The following CELF5 variants were observed in gnomAD, a reference collection of about 807,000 sequenced individuals.
The protein encoded by CELF5 is CUG-BP and ETR-3 like factor 5.
In CELF5, 6 loss-of-function variants were observed where a neutral mutation model predicts 54.9. The observed-to-expected ratio is 0.11, with a 90% CI of 0.06 to 0.22. CELF5 has a LOEUF of 0.22. CELF5 is among the 10% of genes least tolerant of loss of function. CELF5 has a pLI of 1.00. For synonymous variants in CELF5, 271 were observed against 290.9 expected (o/e 0.93, Z 0.70); for missense variants, 401 against 678.6 (o/e 0.59, Z 4.54).
chr19:3,246,931 G>A (rs2079575161), intron 1 of CELF5, among the ~76,000 whole-genome samples: 1 of 152,152 alleles, frequency 6.6e-6, no homozygotes, highest in Non-Finnish European at 1.5e-5. Flanking sequence ...AGACACAAGG[G>A]CGGACCTATG....
intron 2 of CELF5, among the ~76,000 whole-genome samples, chr19:3,262,320 C>T (rs749611394): frequency 2.0e-5 from 3 of 152,144 alleles, no homozygotes; most frequent in African/African-American, 4.8e-5. Flanking sequence ...TGAGCCACCG[C>T]GCCCGGCCAA....
chr19:3,250,061 C>T (rs8113173), intron 1 of CELF5, among the ~76,000 whole-genome samples: 30 of 152,002 alleles, frequency 2.0e-4, no homozygotes, highest in Admixed American at 1.4e-3. Flanking sequence ...AGGGGTGGAA[C>T]GGGTGGAAAA....
chr19:3,232,054 A>G (rs911333049), intron 1 of CELF5, among the ~76,000 whole-genome samples: 3 of 151,882 alleles, frequency 2.0e-5, no homozygotes, highest in Admixed American at 6.6e-5. Context: ...TGCTTCCTCA[A>G]CCTTTACTAC....
At chr19:3,231,343 T>C (rs1401063611) in intron 1 of CELF5, among the ~76,000 whole-genome samples, 1 of 152,116 alleles carries the variant, frequency 6.6e-6, no homozygotes, top group African/African-American at 2.4e-5. Context: ...CAGACATGGA[T>C]GGATGGATGA....
intron 1 of CELF5, among the ~76,000 whole-genome samples, chr19:3,227,071 C>G (rs1404803706): frequency 6.6e-6 from 1 of 152,130 alleles, no homozygotes; most frequent in African/African-American, 2.4e-5. Context: ...CCAGGTCCGT[C>G]TGTGTGTGAG....
At chr19:3,243,062 C>T (rs1319991080) in intron 1 of CELF5, among the ~76,000 whole-genome samples, 1 of 152,126 alleles carries the variant, frequency 6.6e-6, no homozygotes, top group Non-Finnish European at 1.5e-5. Context: ...CCCCATCTCT[C>T]ATCTGTAAAA....
rs1245659476 is a variant in CELF5, at chr19:3,282,695, A to T, written c.1039+197A>T. 6.6e-6 allele frequency among the ~76,000 whole-genome samples: 1 copy of T among 152,198 alleles called. No individual in the cohort carries two copies. Among genetic ancestry groups the T allele is most frequent in the Admixed American group, 6.5e-5 (1 of 15,286 alleles). ...GGGTAATAACACATTAAAACGGTGCATCTGGATGTTTCTGAGCTTAAATTC... is the reference window on the plus strand; with the variant it reads ...GGGTAATAACACATTAAAACGGTGCTTCTGGATGTTTCTGAGCTTAAATTC... On this transcript the variant is annotated intron_variant, in intron 8 of 12. Transcript: ENST00000292672. This position sits in a 1 kb window ranked among gnomAD's most constrained non-coding sequence, Gnocchi z 5.2.
intron 2 of CELF5, among the ~76,000 whole-genome samples, chr19:3,273,254 A>C (rs1223930869): frequency 1.3e-5 from 2 of 152,044 alleles, no homozygotes; most frequent in Non-Finnish European, 2.9e-5. Context: ...GGGTCGCTCA[A>C]GCAGCTGCAG....
chr19:3,247,320 G>T (rs946760570), intron 1 of CELF5, among the ~76,000 whole-genome samples: 1 of 151,988 alleles, frequency 6.6e-6, no homozygotes, highest in Admixed American at 6.6e-5. Flanking sequence ...TAGAGATAGG[G>T]TTTCACCGTG....
At chr19:3,293,804 C>G (rs978071509) in intron 12 of CELF5, 8 of 215,426 alleles carry the variant, frequency 3.7e-5, no homozygotes, top group Non-Finnish European at 4.7e-5. Context: ...CAGGTTTGCT[C>G]TGGGGGTGGG....
chr19:3,226,337 A>C (rs1316677961), intron 1 of CELF5, among the ~76,000 whole-genome samples: 1 of 151,866 alleles, frequency 6.6e-6, no homozygotes, highest in Non-Finnish European at 1.5e-5. Flanking sequence ...GGGTCTGGTG[A>C]GATGGGGCCC....
chr19:3,273,864 C>T lies in CELF5; in HGVS notation c.343-8C>T, dbSNP rs1269190108. The T allele has an allele frequency of 1.2e-6, 2 of 1,612,850 alleles. No homozygotes were observed. Among genetic ancestry groups the T allele is most frequent in the Non-Finnish European group, 1.7e-6 (2 of 1,178,880 alleles). Reference sequence around the variant, plus strand: ...AGCTTGACTTTTCCCTTCCCCCTCTCTCTGCAGATGGCGCGGCCAATCCAG... The same window carrying T: ...AGCTTGACTTTTCCCTTCCCCCTCTTTCTGCAGATGGCGCGGCCAATCCAG... On this transcript the variant is annotated splice_region_variant and splice_polypyrimidine_tract_variant and intron_variant, in intron 2 of 12. Transcript: ENST00000292672.
chr19:3,244,868 GGTGT>G (rs1039898260), intron 1 of CELF5, among the ~76,000 whole-genome samples: 3 of 150,394 alleles, frequency 2.0e-5, no homozygotes, highest in Admixed American at 6.6e-5. Context: ...TGTAGTGTGT[GGTGT>G]GTGTATGTGT....
At chr19:3,244,725 G>A (rs916470159) in intron 1 of CELF5, among the ~76,000 whole-genome samples, 1 of 147,462 alleles carries the variant, frequency 6.8e-6, no homozygotes, top group East Asian at 2.1e-4. Flanking sequence ...TGTGTGTGTG[G>A]TGTGTTGTGC....
chr19:3,294,606 TG>T (rs2080404611), intron 12 of CELF5: 1 of 152,118 alleles, frequency 6.6e-6, no homozygotes, highest in African/African-American at 2.4e-5. Context: ...AGCTGCTCTC[TG>T]CGATCCCTTC....
At chr19:3,262,147 G>A (rs2079814704) in intron 2 of CELF5, among the ~76,000 whole-genome samples, 1 of 152,024 alleles carries the variant, frequency 6.6e-6, no homozygotes, top group African/African-American at 2.4e-5. Flanking sequence ...CCATTCTCCT[G>A]CCTCAGTCTC....
intron 4 of CELF5, among the ~76,000 whole-genome samples, chr19:3,277,756 T>C (rs1348650339): frequency 6.6e-6 from 1 of 152,186 alleles, no homozygotes; most frequent in Non-Finnish European, 1.5e-5. Context: ...TGGCTGTCTG[T>C]CTGCATTAGC....
chr19:3,249,647 C>T (rs2079620849), intron 1 of CELF5, among the ~76,000 whole-genome samples: 1 of 152,226 alleles, frequency 6.6e-6, no homozygotes, highest in African/African-American at 2.4e-5. Flanking sequence ...CCGCCCCTCA[C>T]CTCTCCTGAT....
intron 11 of CELF5, 24 bp downstream of exon 11, chr19:3,290,398 C>T (rs1481484770): frequency 6.2e-7 from 1 of 1,611,186 alleles, no homozygotes; most frequent in East Asian, 2.2e-5. Flanking sequence ...GACGCCACCC[C>T]TCCCCATCCA....
Sources: allele counts gnomAD v4.1 joint callset (sites outside exome capture counted in the v4.1 genomes callset), GRCh38; gene constraint gnomAD v4.1.1; non-coding constraint Gnocchi (gnomAD v3.1); transcripts MANE v1.5; gene names NCBI Gene and HGNC (gene_info 2026-07-23, HGNC 2026-07-21).